The following ZNF804B variants were observed in gnomAD, a reference collection of about 807,000 sequenced individuals.
ZNF804B encodes zinc finger 804B.
In ZNF804B, 80 loss-of-function variants were observed where a neutral mutation model predicts 101.4. That is an observed-to-expected ratio of 0.79 (90% confidence interval 0.66 to 0.95). The LOEUF is 0.95. Among genes scored for constraint, ZNF804B ranks in the 40% least tolerant of loss-of-function variants. ZNF804B has a pLI of 0.00. For missense variants in ZNF804B, 1,673 were observed against 1,561.9 expected (o/e 1.07, Z -1.20); for synonymous variants, 622 against 558.8 (o/e 1.11, Z -1.59).
At chr7:88,878,673 A>G (rs1224525454) in intron 1 of ZNF804B, among the ~76,000 whole-genome samples, 2 of 152,174 alleles carry the variant, frequency 1.3e-5, no homozygotes, top group African/African-American at 4.8e-5. Context: ...TCATGAAGAA[A>G]TTGGCCATTT....
chr7:88,968,390 A>G (rs1041378330), intron 1 of ZNF804B, among the ~76,000 whole-genome samples: 11 of 151,510 alleles, frequency 7.3e-5, no homozygotes, highest in African/African-American at 2.7e-4. Context: ...TCTTGTCACT[A>G]ATTTGTATTC....
At chr7:89,271,104 T>C (rs1789886984) in intron 2 of ZNF804B, among the ~76,000 whole-genome samples, 1 of 152,196 alleles carries the variant, frequency 6.6e-6, no homozygotes, top group Non-Finnish European at 1.5e-5. Flanking sequence ...CAACACTATG[T>C]TGAACAGGTG....
chr7:89,080,405 A>G (rs1219900477), intron 1 of ZNF804B, among the ~76,000 whole-genome samples: 1 of 152,026 alleles, frequency 6.6e-6, no homozygotes, highest in Non-Finnish European at 1.5e-5. Context: ...CACTAGTTAT[A>G]TTTAGACTAT....
intron 1 of ZNF804B, among the ~76,000 whole-genome samples, chr7:89,157,083 C>T (rs1327766844): frequency 6.6e-6 from 1 of 152,112 alleles, no homozygotes; most frequent in Non-Finnish European, 1.5e-5. Context: ...TTGGTACAGG[C>T]TCTCTATTGG....
chr7:88,918,298 G>A (rs2115991294), intron 1 of ZNF804B, among the ~76,000 whole-genome samples: 1 of 152,210 alleles, frequency 6.6e-6, no homozygotes, highest in African/African-American at 2.4e-5. Context: ...GGCACTATTT[G>A]AATTATATAC....
intron 1 of ZNF804B, among the ~76,000 whole-genome samples, chr7:88,870,153 G>A (rs553663179): frequency 6.6e-6 from 1 of 151,356 alleles, no homozygotes; most frequent in East Asian, 2.0e-4. Context: ...TTGGGAGGCC[G>A]AGACGGGCGG....
At position 89,335,574 on chromosome 7, in the gene ZNF804B, C is replaced by A; in HGVS notation, c.2592C>A (p.Tyr864Ter). The change falls in exon 4 of 4, where the codon TAC becomes TAA. Residue 864 changes from tyrosine to a stop codon, truncating the protein, a stop_gained. Coordinates refer to ENST00000333190, the MANE Select transcript of ZNF804B (RefSeq NM_181646.5). LOFTEE classifies it high-confidence loss of function. Reference protein sequence around the residue: ...LDSYSIEKMYYLNKSKRNQES... With the variant: ...LDSYSIEKMY The stretch of plus-strand genomic sequence containing the variant: ...CTTACTCAATAGAGAAAATGTATTA[C>A]TTGAATAAAAGCAAGAGAAATCAAG... 1 of 1,613,868 alleles carries A rather than the reference C, an allele frequency of 6.2e-7. No individual in the cohort carries two copies. Among genetic ancestry groups the A allele is most frequent in the Non-Finnish European group, 8.5e-7 (1 of 1,179,886 alleles).
chr7:89,082,700 G>A (rs1473714800), intron 1 of ZNF804B, among the ~76,000 whole-genome samples: 2 of 151,622 alleles, frequency 1.3e-5, no homozygotes, highest in Non-Finnish European at 3.0e-5. Context: ...TAACTTTTAT[G>A]ACTGATATAA....
chr7:89,161,654 G>A (rs1791066704), intron 1 of ZNF804B, among the ~76,000 whole-genome samples: 1 of 151,982 alleles, frequency 6.6e-6, no homozygotes, highest in Non-Finnish European at 1.5e-5. Context: ...CTCCCAAAGT[G>A]CTGGAATTAC....
At chr7:88,945,446 T>G (rs916643929) in intron 1 of ZNF804B, among the ~76,000 whole-genome samples, 4 of 152,136 alleles carry the variant, frequency 2.6e-5, no homozygotes, top group Admixed American at 2.6e-4. Flanking sequence ...TCCATTGGTC[T>G]ATATATCTGT....
At chr7:88,795,031 C>T (rs981101215) in intron 1 of ZNF804B, 18 of 1,089,072 alleles carry the variant, frequency 1.7e-5, no homozygotes, top group East Asian at 1.1e-4. Context: ...CTGATGAACT[C>T]GTGTTTTTAT....
At chr7:89,120,836 T>C (rs974265580) in intron 1 of ZNF804B, among the ~76,000 whole-genome samples, 1 of 152,208 alleles carries the variant, frequency 6.6e-6, no homozygotes, top group Admixed American at 6.5e-5. Flanking sequence ...GTAGCAGTAA[T>C]GATTATTATG....
intron 1 of ZNF804B, among the ~76,000 whole-genome samples, chr7:88,874,000 TG>T (rs1791883309): frequency 6.6e-6 from 1 of 152,218 alleles, no homozygotes; most frequent in South Asian, 2.1e-4. Context: ...TTTCCAGTTC[TG>T]GGAAGAAAGT....
rs150555962 is a variant in ZNF804B at position 89,248,555 on chromosome 7, G to A, written c.249+30260G>A. Among the ~76,000 whole-genome samples, 572 of 151,802 alleles carry A rather than the reference G, an allele frequency of 3.8e-3. 3 individuals are homozygous for A. The highest frequency in any genetic ancestry group is 0.013 in the African/African-American group (549 of 41,398). ...TCCCAAACTAAGCTTCTTAAGCAAAGGAGAAATAAAATCTTTTTCAGAAAA... is the reference window on the plus strand; with the variant it reads ...TCCCAAACTAAGCTTCTTAAGCAAAAGAGAAATAAAATCTTTTTCAGAAAA... On this transcript the variant is annotated intron_variant, in intron 2 of 3. Transcript: ENST00000333190.
intron 1 of ZNF804B, among the ~76,000 whole-genome samples, chr7:89,025,065 T>C (rs2116221912): frequency 6.6e-6 from 1 of 152,188 alleles, no homozygotes. Flanking sequence ...CTAAAGTCTT[T>C]CCAATTTTCT....
intron 2 of ZNF804B, among the ~76,000 whole-genome samples, chr7:89,262,524 A>AT (rs1337617935): frequency 2.1e-4 from 32 of 152,336 alleles, no homozygotes; most frequent in Admixed American, 4.6e-4. Context: ...TGCTCAGTAT[A>AT]TTTTAAGTAT....
intron 1 of ZNF804B, among the ~76,000 whole-genome samples, chr7:88,874,683 G>A (rs1791896078): frequency 6.6e-6 from 1 of 152,052 alleles, no homozygotes; most frequent in South Asian, 2.1e-4. Flanking sequence ...AGCATGAAGG[G>A]CTGTTGAATT....
chr7:88,903,365 C>G (rs1407898784), intron 1 of ZNF804B, among the ~76,000 whole-genome samples: 1 of 152,096 alleles, frequency 6.6e-6, no homozygotes, highest in Non-Finnish European at 1.5e-5. Context: ...TGATGGGCAC[C>G]TAGCTTGATT....
intron 1 of ZNF804B, among the ~76,000 whole-genome samples, chr7:88,925,127 T>C (rs1390085984): frequency 3.3e-5 from 5 of 152,144 alleles, no homozygotes; most frequent in Non-Finnish European, 5.9e-5. Flanking sequence ...TATTTACTAG[T>C]CCTTAGTCTC....
Sources: allele counts gnomAD v4.1 joint callset (sites outside exome capture counted in the v4.1 genomes callset), GRCh38; gene constraint gnomAD v4.1.1; transcripts MANE v1.5; gene names NCBI Gene and HGNC (gene_info 2026-07-23, HGNC 2026-07-21).